NDFIP1: variants seen among roughly 807,000 people sequenced by gnomAD.
NDFIP1 encodes NEDD4 family-interacting protein 1.
In NDFIP1, 7 loss-of-function variants were observed where a neutral mutation model predicts 28.8. The observed-to-expected ratio is 0.24, with a 90% CI of 0.14 to 0.46. The LOEUF (loss-of-function observed/expected upper bound fraction) is 0.46, where lower values mean the gene tolerates loss of function less well. NDFIP1 is among the 20% of genes least tolerant of loss of function. The probability of loss-of-function intolerance (pLI) is 0.99; values close to 1 mark genes in which losing one functional copy is unlikely to be tolerated. For missense variants in NDFIP1, 194 were observed against 269.1 expected (o/e 0.72, Z 1.95); for synonymous variants, 92 against 101.0 (o/e 0.91, Z 0.53).
intron 1 of NDFIP1, among the ~76,000 whole-genome samples, chr5:142,124,100 C>A (rs1455614469): frequency 6.6e-6 from 1 of 152,048 alleles, no homozygotes; most frequent in African/African-American, 2.4e-5. Flanking sequence ...AGGCTCTTGG[C>A]TGTAGGTTTT....
At chr5:142,140,269 A>G (rs969229666) in intron 5 of NDFIP1, among the ~76,000 whole-genome samples, 20 of 151,892 alleles carry the variant, frequency 1.3e-4, no homozygotes, top group African/African-American at 4.8e-4. Context: ...ACCAACATGG[A>G]GAAACCCCAT....
At chr5:142,139,133 T>A (rs1461988296) in intron 5 of NDFIP1, among the ~76,000 whole-genome samples, 6 of 150,658 alleles carry the variant, frequency 4.0e-5, no homozygotes, top group Non-Finnish European at 7.4e-5. Flanking sequence ...GGAAGGAGAA[T>A]GGCGTGAACC....
chr5:142,135,200 G>T (rs946239273), intron 3 of NDFIP1, among the ~76,000 whole-genome samples: 1 of 151,954 alleles, frequency 6.6e-6, no homozygotes, highest in Non-Finnish European at 1.5e-5. Flanking sequence ...GGATGGTCTC[G>T]ATCTCCTGAC....
chr5:142,136,394 C>T (rs953594836), intron 4 of NDFIP1, among the ~76,000 whole-genome samples: 1 of 152,084 alleles, frequency 6.6e-6, no homozygotes, highest in African/African-American at 2.4e-5. Context: ...TATTTGGGGG[C>T]ACTTATTTAA....
At chr5:142,126,932 T>A (rs1053649146) in intron 1 of NDFIP1, among the ~76,000 whole-genome samples, 3 of 152,082 alleles carry the variant, frequency 2.0e-5, no homozygotes, top group African/African-American at 7.2e-5. Context: ...TTCATAAAAA[T>A]GTCATATTTA....
At chr5:142,142,728 G>T (rs1411667763) in intron 6 of NDFIP1, among the ~76,000 whole-genome samples, 1 of 151,652 alleles carries the variant, frequency 6.6e-6, no homozygotes, top group Non-Finnish European at 1.5e-5. Context: ...AGGAGTTCGA[G>T]ACCAGCATGG....
chr5:142,116,352 T>TCCTTCTTTCTCTCTCTCTCTC (rs1561597776), intron 1 of NDFIP1, among the ~76,000 whole-genome samples: 198 of 116,346 alleles, frequency 1.7e-3, no homozygotes, highest in African/African-American at 8.0e-3. Flanking sequence ...CCTTCCTTCT[T>TCCTTCTTTCTCTCTCTCTCTC]TCTCTCTCTC....
intron 6 of NDFIP1, chr5:142,144,168 A>C (rs895127982): frequency 5.9e-5 from 9 of 152,876 alleles, no homozygotes; most frequent in African/African-American, 2.2e-4. Flanking sequence ...TTTTTACTTG[A>C]GAAAAACACA....
At chr5:142,109,465 A>G (rs1342719717) in intron 1 of NDFIP1, among the ~76,000 whole-genome samples, 3 of 152,264 alleles carry the variant, frequency 2.0e-5, no homozygotes, top group Non-Finnish European at 4.4e-5. Flanking sequence ...TGCTGCCGAT[A>G]GCTCCCCACA....
chr5:142,112,994 C>T (rs1757031180), intron 1 of NDFIP1, among the ~76,000 whole-genome samples: 1 of 152,138 alleles, frequency 6.6e-6, no homozygotes, highest in South Asian at 2.1e-4. Context: ...TAGATGAACG[C>T]AGATCTTCTG....
intron 7 of NDFIP1, among the ~76,000 whole-genome samples, chr5:142,146,068 CATAGT>C (rs1757385643): frequency 6.6e-6 from 1 of 152,048 alleles, no homozygotes; most frequent in Admixed American, 6.5e-5. Flanking sequence ...TTTTTTCAAG[CATAGT>C]ATAGTAAACT....
At chr5:142,112,444 C>T (rs1757024162) in intron 1 of NDFIP1, among the ~76,000 whole-genome samples, 1 of 149,516 alleles carries the variant, frequency 6.7e-6, no homozygotes, top group South Asian at 2.1e-4. Context: ...GAGGCTGAGG[C>T]AGGAAAATCA....
At chr5:142,127,371 A>C (rs1469773958) in intron 1 of NDFIP1, among the ~76,000 whole-genome samples, 1 of 152,198 alleles carries the variant, frequency 6.6e-6, no homozygotes, top group Admixed American at 6.5e-5. Context: ...CATCAAGGCC[A>C]AAGGCACCAT....
chr5:142,140,448 CAAAAA>C (rs71576132), intron 5 of NDFIP1, 110 bp from the exon 6 acceptor site: 256 of 517,716 alleles, frequency 4.9e-4, no homozygotes, highest in Middle Eastern at 1.0e-3. Context: ...AACTCCGTCT[CAAAAA>C]AAAAAAAAAA....
chr5:142,111,055 A>T (rs1284768277), intron 1 of NDFIP1, among the ~76,000 whole-genome samples: 1 of 152,056 alleles, frequency 6.6e-6, no homozygotes, highest in Non-Finnish European at 1.5e-5. Flanking sequence ...ATATATACAC[A>T]TGCATATGTA....
intron 5 of NDFIP1, 54 bp downstream of exon 5, chr5:142,137,912 T>C: frequency 6.6e-7 from 1 of 1,518,090 alleles, no homozygotes; most frequent in Non-Finnish European, 8.9e-7. Context: ...AATCAGAATA[T>C]TTTTGAATAT....
chr5:142,147,422 AT>A (rs1332162054), intron 7 of NDFIP1, among the ~76,000 whole-genome samples: 2 of 152,038 alleles, frequency 1.3e-5, no homozygotes, highest in Admixed American at 6.6e-5. Context: ...AGAAAGCTTT[AT>A]TTTTTTCCTC....
Position 142,140,647 on chromosome 5 carries a change from A to G in NDFIP1, c.562+18A>G. ...TGTTTTAGGTAAGTGTTTTTAATGT[A>G]AGAAAAGGCAAGAAAACATTACATT... On this transcript the variant is annotated intron_variant, in intron 6 of 7. Transcript: ENST00000253814. 1 of 1,578,522 alleles carries G rather than the reference A, an allele frequency of 6.3e-7. No individual in the cohort carries two copies. Among genetic ancestry groups the G allele is most frequent in the Non-Finnish European group, 8.7e-7 (1 of 1,155,868 alleles).
intron 6 of NDFIP1, among the ~76,000 whole-genome samples, chr5:142,142,338 G>A (rs769941211): frequency 1.1e-4 from 17 of 151,908 alleles, no homozygotes; most frequent in Non-Finnish European, 1.9e-4. Context: ...TGATTATTGA[G>A]AACTTCAGTA....
Sources: allele counts gnomAD v4.1 joint callset (sites outside exome capture counted in the v4.1 genomes callset), GRCh38; gene constraint gnomAD v4.1.1; transcripts MANE v1.5; gene names NCBI Gene and HGNC (gene_info 2026-07-23, HGNC 2026-07-21).